Variants in FRMD5 observed in about 807,000 individuals in gnomAD.
The protein encoded by FRMD5 is FERM domain-containing protein 5.
FRMD5 carries 20 observed loss-of-function variants against 69.0 expected under a neutral mutation model. The observed-to-expected ratio is 0.29, with a 90% CI of 0.20 to 0.42. FRMD5 has a LOEUF of 0.42. Ranked by LOEUF, FRMD5 falls within the 10% of genes least tolerant of loss-of-function variation. FRMD5 has a pLI of 1.00. For missense variants in FRMD5, 595 were observed against 708.6 expected (o/e 0.84, Z 1.82); for synonymous variants, 271 against 260.1 (o/e 1.04, Z -0.40).
intron 1 of FRMD5, among the ~76,000 whole-genome samples, chr15:44,059,542 C>T (rs181590211): frequency 6.6e-6 from 1 of 152,242 alleles, no homozygotes; most frequent in African/African-American, 2.4e-5. Context: ...GATGGAGTCT[C>T]GCTCTCTTAC....
chr15:44,191,375 CAA>C (rs1172278550), intron 1 of FRMD5, among the ~76,000 whole-genome samples: 3 of 151,954 alleles, frequency 2.0e-5, no homozygotes, highest in Non-Finnish European at 2.9e-5. Flanking sequence ...ATCACGAGGT[CAA>C]GAGATAGAGA....
chr15:43,949,641 T>C (rs2089996515), intron 1 of FRMD5, among the ~76,000 whole-genome samples: 1 of 152,256 alleles, frequency 6.6e-6, no homozygotes, highest in South Asian at 2.1e-4. Context: ...AGTTGTTGCA[T>C]CATTCCACAT....
chr15:43,906,848 G>A (rs879278055), intron 5 of FRMD5, among the ~76,000 whole-genome samples: 7 of 151,536 alleles, frequency 4.6e-5, no homozygotes, highest in South Asian at 2.1e-4. Context: ...TGATCCGCCC[G>A]CCTTGGCCTC....
At chr15:44,084,789 G>T (rs1025836597) in intron 1 of FRMD5, among the ~76,000 whole-genome samples, 4 of 152,172 alleles carry the variant, frequency 2.6e-5, no homozygotes, top group African/African-American at 7.2e-5. Flanking sequence ...CTATAGAAAT[G>T]TAAGACACTT....
intron 1 of FRMD5, among the ~76,000 whole-genome samples, chr15:44,108,580 GT>G (rs2076752732): frequency 6.6e-6 from 1 of 152,182 alleles, no homozygotes; most frequent in African/African-American, 2.4e-5. Context: ...TGGAGGCAGA[GT>G]TTGTAGTGAG....
intron 1 of FRMD5, among the ~76,000 whole-genome samples, chr15:44,130,104 C>T (rs2077078217): frequency 6.6e-6 from 1 of 152,174 alleles, no homozygotes; most frequent in Non-Finnish European, 1.5e-5. Flanking sequence ...GCGCTCCCTC[C>T]AGGTGGGCTG....
intron 1 of FRMD5, among the ~76,000 whole-genome samples, chr15:43,990,667 A>G (rs957481419): frequency 6.6e-6 from 1 of 152,226 alleles, no homozygotes; most frequent in African/African-American, 2.4e-5. Flanking sequence ...AGTACTCATC[A>G]GATATTTCTA....
intron 1 of FRMD5, among the ~76,000 whole-genome samples, chr15:44,098,981 C>G (rs533802972): frequency 2.4e-4 from 37 of 152,314 alleles, no homozygotes; most frequent in African/African-American, 8.9e-4. Context: ...AGCAGGACAG[C>G]AGTCATATAT....
intron 1 of FRMD5, among the ~76,000 whole-genome samples, chr15:44,095,394 A>G (rs573327872): frequency 2.6e-5 from 4 of 152,090 alleles, no homozygotes; most frequent in Admixed American, 2.6e-4. Flanking sequence ...TTGTAGAGTT[A>G]GAGTCTCACT....
intron 13 of FRMD5, among the ~76,000 whole-genome samples, chr15:43,874,837 T>C (rs948841225): frequency 6.6e-6 from 1 of 151,360 alleles, no homozygotes; most frequent in African/African-American, 2.4e-5. Context: ...GAGGCGGAGG[T>C]TGCAGTGAGC....
chr15:44,059,511 ATTTC>A (rs1316271817), intron 1 of FRMD5, among the ~76,000 whole-genome samples: 2 of 151,920 alleles, frequency 1.3e-5, no homozygotes, highest in African/African-American at 4.8e-5. Context: ...GGGTCACTAT[ATTTC>A]TTTCTTTCTT....
chr15:44,038,183 G>T (rs960840633), intron 1 of FRMD5, among the ~76,000 whole-genome samples: 3 of 152,116 alleles, frequency 2.0e-5, no homozygotes, highest in Admixed American at 6.5e-5. Flanking sequence ...GTAGATTCTG[G>T]ATATTAGCCC....
intron 11 of FRMD5, 83 bp from the exon 12 acceptor site, chr15:43,884,878 C>G (rs1162839603): frequency 7.3e-6 from 9 of 1,232,262 alleles, no homozygotes; most frequent in Non-Finnish European, 1.1e-5. Context: ...TAGGTGCTTT[C>G]CCTGAATCAG....
chr15:43,963,258 A>G (rs889422144), intron 1 of FRMD5, among the ~76,000 whole-genome samples: 6 of 152,252 alleles, frequency 3.9e-5, no homozygotes, highest in Admixed American at 1.3e-4. Flanking sequence ...ATATGAACAG[A>G]CACTTCTCAA....
intron 1 of FRMD5, among the ~76,000 whole-genome samples, chr15:44,077,173 A>G (rs919935308): frequency 1.3e-5 from 2 of 152,174 alleles, no homozygotes; most frequent in Non-Finnish European, 2.9e-5. Flanking sequence ...AACTGAATAC[A>G]TTTTAGGAAT....
At chr15:43,891,368 G>C (rs1479723729) in intron 8 of FRMD5, among the ~76,000 whole-genome samples, 1 of 152,146 alleles carries the variant, frequency 6.6e-6, no homozygotes, top group Non-Finnish European at 1.5e-5. Flanking sequence ...GGAGAAGGGA[G>C]GGAAGGAAGA....
intron 1 of FRMD5, among the ~76,000 whole-genome samples, chr15:44,124,602 G>A (rs1393852349): frequency 5.9e-5 from 9 of 152,024 alleles, no homozygotes; most frequent in Non-Finnish European, 1.2e-4. Context: ...GGGAGGCTGA[G>A]GCAGGAGAAG....
At chr15:43,878,226 C>T (rs1451277076) in intron 13 of FRMD5, among the ~76,000 whole-genome samples, 1 of 151,980 alleles carries the variant, frequency 6.6e-6, no homozygotes, top group Non-Finnish European at 1.5e-5. Context: ...TGTGAGCCAC[C>T]ACGCCCAGCC....
intron 10 of FRMD5, among the ~76,000 whole-genome samples, chr15:43,886,434 G>A (rs1007214663): frequency 6.6e-5 from 10 of 152,136 alleles, no homozygotes; most frequent in Non-Finnish European, 7.4e-5. Context: ...TTTATATCTC[G>A]TTTGAAGCTG....
Sources: gnomAD v4.1 joint callset for allele counts (sites outside exome capture counted in the v4.1 genomes callset) on GRCh38, gnomAD v4.1.1 for gene constraint, MANE v1.5 for transcripts, NCBI Gene and HGNC (gene_info 2026-07-23, HGNC 2026-07-21) for gene names.